Variants in ANKRD44 observed in about 807,000 individuals in gnomAD.
ANKRD44 encodes the protein ankyrin repeat domain 44.
ANKRD44 carries 35 observed loss-of-function variants against 116.0 expected under a neutral mutation model. That is an observed-to-expected ratio of 0.30 (90% CI 0.23 to 0.40). The LOEUF (loss-of-function observed/expected upper bound fraction) is 0.40. ANKRD44 is among the 10% of genes least tolerant of loss of function. The pLI is 1.00. For synonymous variants in ANKRD44, 435 were observed against 461.8 expected, an observed-to-expected ratio of 0.94 and a Z score of 0.74; for missense variants, 1,014 against 1,242.6, an observed-to-expected ratio of 0.82 and a Z score of 2.77.
chr2:197,094,651 G>A (rs1276607021), intron 10 of ANKRD44, among the ~76,000 whole-genome samples: 2 of 152,160 alleles, frequency 1.3e-5, no homozygotes, highest in African/African-American at 4.8e-5. Flanking sequence ...GATTGGTTTA[G>A]CTTTGCTCAC....
At chr2:197,110,599 G>A (rs2078542448) in intron 9 of ANKRD44, among the ~76,000 whole-genome samples, 167 bp downstream of exon 9, 1 of 152,204 alleles carries the variant, frequency 6.6e-6, no homozygotes, top group Non-Finnish European at 1.5e-5. Context: ...GGATGTTGAT[G>A]ACATGTCTGA....
intron 1 of ANKRD44, among the ~76,000 whole-genome samples, chr2:197,267,281 C>A (rs531167351): frequency 1.3e-5 from 2 of 152,272 alleles, no homozygotes; most frequent in East Asian, 3.9e-4. Flanking sequence ...TAAAATCACT[C>A]CAGAATCTTT....
At chr2:197,278,520 T>C (rs535086225) in intron 1 of ANKRD44, among the ~76,000 whole-genome samples, 125 of 151,720 alleles carry the variant, frequency 8.2e-4, no homozygotes, top group Admixed American at 8.5e-4. Flanking sequence ...CCACGCCCGG[T>C]TAATTTTTGT....
chr2:197,012,705 A>G (rs1222074034), intron 18 of ANKRD44, among the ~76,000 whole-genome samples: 1 of 152,228 alleles, frequency 6.6e-6, no homozygotes, highest in Admixed American at 6.5e-5. Context: ...CCCAAGTAAC[A>G]AGAATCATAA....
chr2:197,162,243 G>A (rs1406548079), intron 2 of ANKRD44, among the ~76,000 whole-genome samples: 3 of 152,168 alleles, frequency 2.0e-5, no homozygotes, highest in Non-Finnish European at 2.9e-5. Flanking sequence ...AAGCACAGCT[G>A]TTCCAACATG....
chr2:197,184,808 C>A (rs2080613698), intron 2 of ANKRD44, among the ~76,000 whole-genome samples: 2 of 152,086 alleles, frequency 1.3e-5, no homozygotes, highest in Non-Finnish European at 2.9e-5. Flanking sequence ...CATAAAGAGA[C>A]CTAAACTTCA....
At chr2:197,207,960 G>A (rs2125685430) in intron 1 of ANKRD44, among the ~76,000 whole-genome samples, 1 of 152,270 alleles carries the variant, frequency 6.6e-6, no homozygotes, top group South Asian at 2.1e-4. Flanking sequence ...GTACAGCCAG[G>A]AAAGAAGAGG....
intron 1 of ANKRD44, among the ~76,000 whole-genome samples, chr2:197,188,880 C>G (rs2080754417): frequency 1.3e-5 from 2 of 152,092 alleles, no homozygotes. Context: ...GTCCCAGATC[C>G]CTTTCCTAAG....
intron 16 of ANKRD44, among the ~76,000 whole-genome samples, chr2:197,062,291 G>C (rs893574200): frequency 6.6e-6 from 1 of 152,320 alleles, no homozygotes; most frequent in East Asian, 1.9e-4. Context: ...CCTATCCAGA[G>C]GACAGGACTC....
intron 1 of ANKRD44, among the ~76,000 whole-genome samples, chr2:197,265,261 T>G (rs965437824): frequency 0.011 from 1,224 of 107,118 alleles, no homozygotes; most frequent in Admixed American, 0.023. Context: ...GGGGAGGGGG[T>G]GGGGAGACAG....
intron 1 of ANKRD44, among the ~76,000 whole-genome samples, chr2:197,266,415 A>C (rs1312014315): frequency 6.6e-6 from 1 of 152,136 alleles, no homozygotes; most frequent in East Asian, 1.9e-4. Flanking sequence ...ACTAATATAC[A>C]AACAGATCTC....
intron 3 of ANKRD44, among the ~76,000 whole-genome samples, chr2:197,141,991 T>C (rs912067069): frequency 6.6e-6 from 1 of 152,246 alleles, no homozygotes; most frequent in African/African-American, 2.4e-5. Flanking sequence ...GGACACAGTC[T>C]GCATGTCTAA....
intron 1 of ANKRD44, among the ~76,000 whole-genome samples, chr2:197,262,169 T>A (rs1424826428): frequency 6.6e-6 from 1 of 152,142 alleles, no homozygotes; most frequent in African/African-American, 2.4e-5. Flanking sequence ...CAGAGAGCAA[T>A]AAACAAAATC....
chr2:197,097,099 A>T (rs2078178205), intron 10 of ANKRD44, among the ~76,000 whole-genome samples: 1 of 152,320 alleles, frequency 6.6e-6, no homozygotes, highest in African/African-American at 2.4e-5. Context: ...CTTTTGCTAC[A>T]TGGTCTGTGT....
intron 3 of ANKRD44, among the ~76,000 whole-genome samples, chr2:197,144,461 T>C (rs1037832105): frequency 1.3e-5 from 2 of 152,202 alleles, no homozygotes; most frequent in Non-Finnish European, 2.9e-5. Flanking sequence ...ATGAACTTAA[T>C]ATATAAATTG....
intron 1 of ANKRD44, among the ~76,000 whole-genome samples, chr2:197,200,826 T>C (rs2081077446): frequency 6.6e-6 from 1 of 152,252 alleles, no homozygotes; most frequent in Non-Finnish European, 1.5e-5. Context: ...TTTGTTAAAA[T>C]GTTTACATCG....
intron 1 of ANKRD44, among the ~76,000 whole-genome samples, chr2:197,216,920 C>T (rs1042008729): frequency 7.1e-6 from 1 of 140,636 alleles, no homozygotes; most frequent in Admixed American, 7.0e-5. Flanking sequence ...CAAAAACACA[C>T]AGAAAATCAC....
At chr2:197,299,360 T>A (rs552100774) in intron 1 of ANKRD44, 1 of 152,134 alleles carries the variant, frequency 6.6e-6, no homozygotes, top group Non-Finnish European at 1.5e-5. Context: ...AAAGAAGTCA[T>A]AAGAAAAAGG....
At chr2:197,036,085 T>C (rs1051918590) in intron 16 of ANKRD44, among the ~76,000 whole-genome samples, 1 of 152,158 alleles carries the variant, frequency 6.6e-6, no homozygotes, top group Non-Finnish European at 1.5e-5. Flanking sequence ...TTCACAGCTA[T>C]TAGAAGAATC....
Sources: gnomAD v4.1 joint callset for allele counts (sites outside exome capture counted in the v4.1 genomes callset) on GRCh38, gnomAD v4.1.1 for gene constraint, MANE v1.5 for transcripts, NCBI Gene and HGNC (gene_info 2026-07-23, HGNC 2026-07-21) for gene names.